ERBB4: variants seen among roughly 807,000 people sequenced by gnomAD.
ERBB4 encodes the protein erb-b2 receptor tyrosine kinase 4.
ERBB4 carries 42 observed loss-of-function variants against 158.0 expected under a neutral mutation model. The observed-to-expected ratio is 0.27, with a 90% CI of 0.21 to 0.34. ERBB4 has a LOEUF of 0.34. Among genes scored for constraint, ERBB4 ranks in the 10% least tolerant of loss-of-function variants. The pLI is 1.00. For missense variants in ERBB4, 1,333 were observed against 1,624.1 expected (o/e 0.82, Z 3.08); for synonymous variants, 583 against 558.7 (o/e 1.04, Z -0.61).
intron 1 of ERBB4, among the ~76,000 whole-genome samples, chr2:212,266,101 C>T (rs1030913519): frequency 5.9e-5 from 9 of 151,894 alleles, no homozygotes; most frequent in Admixed American, 6.6e-5. Flanking sequence ...GTCTCAATTG[C>T]ATGCCCCCCT....
chr2:212,251,627 A>G (rs1559848542), intron 1 of ERBB4, among the ~76,000 whole-genome samples: 1 of 152,018 alleles, frequency 6.6e-6, no homozygotes, highest in Non-Finnish European at 1.5e-5. Flanking sequence ...AGAAAACTAT[A>G]CAGGCAAAAG....
At chr2:211,930,744 T>C (rs1012945566) in intron 3 of ERBB4, among the ~76,000 whole-genome samples, 29 of 152,264 alleles carry the variant, frequency 1.9e-4, no homozygotes, top group Non-Finnish European at 4.1e-4. Context: ...ATAAATTAGA[T>C]CTTAGCCAAT....
chr2:211,915,746 T>A (rs2079671363), intron 3 of ERBB4, among the ~76,000 whole-genome samples: 1 of 151,498 alleles, frequency 6.6e-6, no homozygotes, highest in Non-Finnish European at 1.5e-5. Flanking sequence ...GATAGAGATA[T>A]AAGAAAAAGA....
chr2:211,416,683 T>C (rs2063400479), intron 25 of ERBB4, among the ~76,000 whole-genome samples: 1 of 152,232 alleles, frequency 6.6e-6, no homozygotes, highest in Admixed American at 6.5e-5. Flanking sequence ...TCCTAATTTT[T>C]GTCCTTGCTT....
chr2:211,853,670 C>T (rs1452910147), intron 3 of ERBB4, among the ~76,000 whole-genome samples: 1 of 152,058 alleles, frequency 6.6e-6, no homozygotes, highest in Non-Finnish European at 1.5e-5. Flanking sequence ...CAAATGATTC[C>T]TCTTACCTTA....
intron 2 of ERBB4, among the ~76,000 whole-genome samples, chr2:212,089,165 A>G (rs2078700802): frequency 6.6e-6 from 1 of 152,148 alleles, no homozygotes; most frequent in African/African-American, 2.4e-5. Flanking sequence ...CTGATTTCAC[A>G]TTTTGTATCA....
chr2:211,580,824 T>A (rs1471439136), intron 19 of ERBB4, among the ~76,000 whole-genome samples: 376 of 13,478 alleles, frequency 0.028, 37 homozygotes, highest in African/African-American at 0.036. Flanking sequence ...TATATATATA[T>A]TATATATATA....
intron 1 of ERBB4, among the ~76,000 whole-genome samples, chr2:212,232,829 C>T (rs1031611995): frequency 3.3e-5 from 5 of 152,292 alleles, no homozygotes; most frequent in Admixed American, 3.3e-4. Flanking sequence ...TTGTCCCCAT[C>T]CTTAGAAGAC....
intron 11 of ERBB4, among the ~76,000 whole-genome samples, chr2:211,703,374 CTT>C (rs2073323051): frequency 6.6e-6 from 1 of 152,076 alleles, no homozygotes; most frequent in African/African-American, 2.4e-5. Context: ...CCTCCTATAA[CTT>C]TTAAATTTTA....
intron 3 of ERBB4, among the ~76,000 whole-genome samples, chr2:211,905,744 G>A (rs1002582049): frequency 0.063 from 7,503 of 118,840 alleles, 548 homozygotes; most frequent in African/African-American, 0.17. Context: ...GCATGTGTGT[G>A]TATATATATA....
At chr2:212,313,887 G>A (rs1040926262) in intron 1 of ERBB4, among the ~76,000 whole-genome samples, 2 of 150,978 alleles carry the variant, frequency 1.3e-5, no homozygotes, top group African/African-American at 4.8e-5. Flanking sequence ...AAATGGGATA[G>A]AATCTCAAAG....
intron 2 of ERBB4, among the ~76,000 whole-genome samples, chr2:212,112,876 AT>A (rs1473404096): frequency 6.6e-6 from 1 of 152,214 alleles, no homozygotes; most frequent in Admixed American, 6.5e-5. Context: ...GTATAACAAA[AT>A]TCACTGGAAG....
chr2:211,472,531 A>G (rs1330283811), intron 20 of ERBB4, among the ~76,000 whole-genome samples: 1 of 149,582 alleles, frequency 6.7e-6, no homozygotes, highest in Non-Finnish European at 1.5e-5. Flanking sequence ...TCTCCTTCAG[A>G]AAAAAAAACA....
At chr2:211,950,996 A>G (rs1490495898) in intron 2 of ERBB4, among the ~76,000 whole-genome samples, 2 of 152,146 alleles carry the variant, frequency 1.3e-5, no homozygotes, top group African/African-American at 4.8e-5. Flanking sequence ...CTAAAAAGTA[A>G]AATTCATTCA....
rs113398095 is a variant in ERBB4 at position 212,205,223 on chromosome 2, C to T, written c.83-80320G>A. Among the ~76,000 whole-genome samples the T allele has an allele frequency of 4.9e-3, 738 of 151,768 alleles. 7 individuals are homozygous for T. Among genetic ancestry groups the T allele is most frequent in the Middle Eastern group, 0.017 (5 of 292 alleles). On this transcript the variant is annotated intron_variant, in intron 1 of 27. Transcript: ENST00000342788. ...CCACTCAGGCTGGAGTGCAGTGGCA[C>T]GATCTCTGCTCACTGAAGTCTCTGC...
At chr2:211,513,376 AC>A (rs67070159) in intron 20 of ERBB4, among the ~76,000 whole-genome samples, 4,617 of 60,210 alleles carry the variant, frequency 0.077, 517 homozygotes, top group South Asian at 0.17. Flanking sequence ...AAAAAAAAAA[AC>A]AAAAAAAAAA....
In ERBB4 at chr2:211,524,112, T is replaced by C. The variant is rs540083007; in HGVS notation, c.2487+37791A>G. 1.3e-4 allele frequency among the ~76,000 whole-genome samples: 20 copies of C among 149,404 alleles called. 1 individual carries two copies. In the South Asian group the frequency reaches 4.2e-3, roughly 32 times the overall value. ...TACAAACCTTGAGCTAGATACAGAG[T>C]GCCGATTGGTGTATTTACGATCCCT... On this transcript the variant is annotated intron_variant, in intron 20 of 27. Coordinates refer to ENST00000342788, the MANE Select transcript of ERBB4 (RefSeq NM_005235.3).
chr2:211,657,925 C>T (rs1479894574), intron 15 of ERBB4, 97 bp from the exon 16 acceptor site: 2 of 1,610,132 alleles, frequency 1.2e-6, no homozygotes, highest in East Asian at 2.2e-5. Context: ...GGAGGAAGAA[C>T]ATGGGAAGCA....
chr2:212,469,613 T>A lies in ERBB4; in HGVS notation c.82+68836A>T, dbSNP rs530243669. Among the ~76,000 whole-genome samples the A allele has an allele frequency of 2.4e-4, 37 of 152,300 alleles. No individual in the cohort carries two copies. In the South Asian group the frequency reaches 6.0e-3, roughly 25 times the overall value. Reference sequence around the variant, plus strand: ...TTTTTGAATTCTCTTATTTCCTCAATAACTGCACAGGTAAATCTCTTACAG... The same window carrying A: ...TTTTTGAATTCTCTTATTTCCTCAAAAACTGCACAGGTAAATCTCTTACAG... On this transcript the variant is annotated intron_variant, in intron 1 of 27. Transcript: ENST00000342788.
Sources: allele counts gnomAD v4.1 joint callset (sites outside exome capture counted in the v4.1 genomes callset), GRCh38; gene constraint gnomAD v4.1.1; transcripts MANE v1.5; gene names NCBI Gene and HGNC (gene_info 2026-07-23, HGNC 2026-07-21).